STYXL1: variants seen among roughly 807,000 people sequenced by gnomAD.
The protein encoded by STYXL1 is serine/threonine/tyrosine-interacting-like protein 1.
A neutral mutation model predicts 36.4 loss-of-function variants in STYXL1; 32 were observed. That is an observed-to-expected ratio of 0.88 (90% CI 0.66 to 1.18). STYXL1 has a LOEUF of 1.18. STYXL1 is among the 50% of genes most tolerant of loss of function. The pLI is 0.00. For synonymous variants in STYXL1, 133 were observed against 144.1 expected, an observed-to-expected ratio of 0.92 and a Z score of 0.55; for missense variants, 354 against 394.1, an observed-to-expected ratio of 0.90 and a Z score of 0.86.
chr7:76,020,435 G>A (rs1166694634), intron 4 of STYXL1, among the ~76,000 whole-genome samples: 1 of 152,156 alleles, frequency 6.6e-6, no homozygotes. Flanking sequence ...GGCTAATGAA[G>A]AACACAGCAG....
chr7:75,998,279 C>A (rs868931052), intron 8 of STYXL1, among the ~76,000 whole-genome samples: 1 of 146,378 alleles, frequency 6.8e-6, no homozygotes. Context: ...TAGAAATAAA[C>A]CCTTACCTAT....
At chr7:76,005,872 A>AGGAGGAG (rs1791651910) in intron 5 of STYXL1, among the ~76,000 whole-genome samples, 1 of 23,182 alleles carries the variant, frequency 4.3e-5, no homozygotes, top group Non-Finnish European at 1.1e-4. Context: ...GGAGGAAGAG[A>AGGAGGAG]GAGGAGGAGA....
intron 3 of STYXL1, among the ~76,000 whole-genome samples, chr7:76,024,464 C>T (rs553553046): frequency 1.5e-4 from 23 of 151,750 alleles, no homozygotes; most frequent in Admixed American, 3.9e-4. Flanking sequence ...ACAAAAAATA[C>T]AAGTTAGCTG....
chr7:76,016,137 C>CAT (rs1173329159), intron 4 of STYXL1, among the ~76,000 whole-genome samples: 2 of 151,822 alleles, frequency 1.3e-5, no homozygotes, highest in Non-Finnish European at 2.9e-5. Context: ...TATATCTATA[C>CAT]ATATGTACAT....
chr7:76,021,713 C>T (rs1794094617), intron 4 of STYXL1, 138 bp downstream of exon 4: 5 of 704,486 alleles, frequency 7.1e-6, no homozygotes, highest in Non-Finnish European at 1.2e-5. Flanking sequence ...TCATGAAGCT[C>T]TTTTTCTGAC....
intron 4 of STYXL1, among the ~76,000 whole-genome samples, chr7:76,020,751 T>C (rs1793960794): frequency 6.6e-6 from 1 of 152,094 alleles, no homozygotes; most frequent in South Asian, 2.1e-4. Context: ...GCTCAAGTGA[T>C]CCTCCTGCCT....
intron 2 of STYXL1, among the ~76,000 whole-genome samples, 176 bp from the exon 3 acceptor site, chr7:76,028,879 C>A (rs13240967): frequency 6.6e-6 from 1 of 151,876 alleles, no homozygotes; most frequent in Non-Finnish European, 1.5e-5. Context: ...AACCCCAGCA[C>A]TTTGGAAGGC....
At position 76,030,850 on chromosome 7, in the gene STYXL1, T is replaced by TAAAA. The variant is rs1160725857; in HGVS notation, c.-4-327_-4-324dup. ...AACAATGGCAAGACCCCATCTCTAC[T>TAAAA]AAAAAAAAAAAAAAAAAAAAAAAAA... On this transcript the variant is annotated intron_variant, in intron 1 of 8. Coordinates refer to ENST00000359697, the MANE Select transcript of STYXL1 (RefSeq NM_001317785.2). Among the ~76,000 whole-genome samples, 114 of 57,082 alleles carry TAAAA rather than the reference T, an allele frequency of 2.0e-3. 2 individuals carry two copies. The highest frequency in any genetic ancestry group is 3.2e-3 in the Non-Finnish European group (99 of 31,360). The allele number at this position is 57,082 out of a possible 152,430, so 37.4% of individuals were successfully genotyped here.
intron 4 of STYXL1, among the ~76,000 whole-genome samples, chr7:76,016,356 A>G (rs1170665898): frequency 6.7e-6 from 1 of 149,940 alleles, no homozygotes; most frequent in African/African-American, 2.5e-5. Flanking sequence ...GTATATCTAT[A>G]CGTATGTGTG....
intron 1 of STYXL1, among the ~76,000 whole-genome samples, chr7:76,040,870 G>GA (rs568043501): frequency 9.4e-5 from 14 of 149,034 alleles, no homozygotes; most frequent in South Asian, 2.1e-4. Flanking sequence ...AAAAGAAAAA[G>GA]AAAAAAAAAG....
At chr7:76,019,365 T>C (rs1023003080) in intron 4 of STYXL1, among the ~76,000 whole-genome samples, 1 of 151,548 alleles carries the variant, frequency 6.6e-6, no homozygotes, top group African/African-American at 2.4e-5. Context: ...GGTACAGTCA[T>C]AGCTCACTGC....
chr7:76,021,824 T>C lies in STYXL1; in HGVS notation c.307+27A>G, dbSNP rs782051910. ...TTTGTTCAATAGCCGTTAACTATTA[T>C]TCTTGCTGCTGTTGCATAAAACCCA... On this transcript the variant is annotated intron_variant, in intron 4 of 8. Coordinates refer to ENST00000359697, the MANE Select transcript of STYXL1 (RefSeq NM_001317785.2). The C allele has an allele frequency of 9.0e-6, 14 of 1,549,562 alleles. No individual in the cohort carries two copies. The South Asian group carries it at 1.6e-4, about 17-fold the overall frequency.
At chr7:76,017,864 C>G (rs1452884557) in intron 4 of STYXL1, among the ~76,000 whole-genome samples, 1 of 666 alleles carries the variant, frequency 1.5e-3, no homozygotes, top group Non-Finnish European at 0.071. Context: ...AAAACTCCAT[C>G]TCAAAAAAAA....
At chr7:75,997,425 C>T (rs1790262939) in intron 8 of STYXL1, among the ~76,000 whole-genome samples, 1 of 152,128 alleles carries the variant, frequency 6.6e-6, no homozygotes, top group Non-Finnish European at 1.5e-5. Flanking sequence ...CAGAGCAAGA[C>T]TCTGTCTCAA....
intron 8 of STYXL1, among the ~76,000 whole-genome samples, chr7:76,000,037 A>G (rs976127230): frequency 4.0e-5 from 6 of 151,566 alleles, no homozygotes; most frequent in Admixed American, 6.6e-5. Context: ...CTAAAAATAC[A>G]AAAATTAGCC....
intron 1 of STYXL1, among the ~76,000 whole-genome samples, chr7:76,035,542 G>C (rs1224998355): frequency 4.7e-5 from 7 of 149,658 alleles, no homozygotes; most frequent in African/African-American, 1.7e-4. Flanking sequence ...CCGCCATCTG[G>C]ACCTGCCATC....
At position 76,017,866 on chromosome 7, in the gene STYXL1, C is replaced by CAAAAAAAAAAAAAAA. The variant is rs71082374; in HGVS notation, c.307+3970_308-3980dup. On this transcript the variant is annotated intron_variant, in intron 4 of 8. Coordinates refer to ENST00000359697, the MANE Select transcript of STYXL1 (RefSeq NM_001317785.2). ...GGGCAACAAGAGCAAAACTCCATCT[C>CAAAAAAAAAAAAAAA]AAAAAAAAAAAAAAAGGCAAGACAG... Among the ~76,000 whole-genome samples, 27 of 10,354 alleles carry CAAAAAAAAAAAAAAA rather than the reference C, an allele frequency of 2.6e-3. 7 individuals are homozygous for CAAAAAAAAAAAAAAA. The highest frequency in any genetic ancestry group is 3.0e-3 in the African/African-American group (14 of 4,596). 6.8% of individuals were successfully genotyped at this position (10,354 alleles called of 152,430 possible).
At chr7:76,014,350 C>T (rs922216018) in intron 4 of STYXL1, among the ~76,000 whole-genome samples, 4 of 150,888 alleles carry the variant, frequency 2.7e-5, no homozygotes, top group Non-Finnish European at 4.4e-5. Context: ...AGCTTACCAC[C>T]GGGTTTTTTT....
chr7:76,047,972 C>T lies in STYXL1; in HGVS notation c.-315G>A. Reference sequence around the variant, plus strand: ...AACACCGGGGTTGCCAGGATGGTCCCACAGCTTTCCTTTCCGACTCCCGGA... The same window carrying T: ...AACACCGGGGTTGCCAGGATGGTCCTACAGCTTTCCTTTCCGACTCCCGGA... On this transcript the variant is annotated 5_prime_UTR_variant, in exon 1 of 9. Coordinates refer to ENST00000359697, the MANE Select transcript of STYXL1 (RefSeq NM_001317785.2). 6.8e-7 allele frequency: 1 copy of T among 1,477,222 alleles called. No homozygotes were observed. Among genetic ancestry groups the T allele is most frequent in the South Asian group, 1.3e-5 (1 of 74,630 alleles). 91.5% of individuals were successfully genotyped at this position (1,477,222 alleles called of 1,614,324 possible). A position where few individuals can be genotyped will look rare whatever the true frequency, so the allele number is the denominator to read the frequency against.
Sources: gnomAD v4.1 joint callset for allele counts (sites outside exome capture counted in the v4.1 genomes callset) on GRCh38, gnomAD v4.1.1 for gene constraint, MANE v1.5 for transcripts, NCBI Gene and HGNC (gene_info 2026-07-23, HGNC 2026-07-21) for gene names.